The following KDM3B variants were observed in gnomAD, a reference collection of about 807,000 sequenced individuals.
The protein encoded by KDM3B is lysine demethylase 3B.
KDM3B carries 10 observed loss-of-function variants against 170.0 expected under a neutral mutation model. The ratio of observed to expected loss-of-function variants is 0.06; its 90% CI spans 0.04 to 0.10. The LOEUF (loss-of-function observed/expected upper bound fraction) is 0.10. Among genes scored for constraint, KDM3B ranks in the 10% least tolerant of loss-of-function variants. KDM3B has a pLI of 1.00. For synonymous variants in KDM3B, 831 were observed against 834.8 expected, an observed-to-expected ratio of 1.00 and a Z score of 0.08; for missense variants, 1,394 against 2,195.2, an observed-to-expected ratio of 0.64 and a Z score of 7.29.
At chr5:138,423,718 A>G (rs566156365) in intron 15 of KDM3B, among the ~76,000 whole-genome samples, 7 of 152,286 alleles carry the variant, frequency 4.6e-5, no homozygotes, top group African/African-American at 1.4e-4. Flanking sequence ...CCTCAAACTG[A>G]GTGACCTTTT....
At chr5:138,431,649 T>C in intron 23 of KDM3B, 90 bp downstream of exon 23, 3 of 1,191,656 alleles carry the variant, frequency 2.5e-6, no homozygotes, top group Non-Finnish European at 3.4e-6. Flanking sequence ...TCTGAGGGTA[T>C]TCTCCGAAGG....
At chr5:138,389,506 G>A (rs967118532) in intron 7 of KDM3B, among the ~76,000 whole-genome samples, 1 of 151,832 alleles carries the variant, frequency 6.6e-6, no homozygotes, top group African/African-American at 2.4e-5. Flanking sequence ...CAATTCTGTG[G>A]CATTTAGTAC....
At chr5:138,428,227 G>C (rs879032091) in intron 20 of KDM3B, 141 bp downstream of exon 20, 7 of 890,448 alleles carry the variant, frequency 7.9e-6, no homozygotes, top group Non-Finnish European at 1.2e-5. Flanking sequence ...GGGGGGCGGG[G>C]AGGCAGAGTC....
chr5:138,391,771 G>A lies in KDM3B; in HGVS notation c.2139G>A (p.Gly713=), dbSNP rs766164522. ...SGVLGSALTS[G]GPSLSAMGNG... is the part of the protein sequence containing the mutation. The stretch of plus-strand genomic sequence containing the variant: ...TTCTGGGCTCAGCTCTTACCAGTGG[G>A]GGCCCAAGCCTCTCTGCCATGGGGA... The change falls in exon 8 of 24, where the codon GGG becomes GGA. Residue 713 remains glycine (G), a synonymous_variant. Transcript: ENST00000314358. The surrounding 1 kb of genome is among the most constrained non-coding windows in gnomAD (Gnocchi z 5.0). 1.9e-6 allele frequency: 3 copies of A among 1,614,002 alleles called. No homozygotes were observed. The highest frequency in any genetic ancestry group is 2.5e-6 in the Non-Finnish European group (3 of 1,180,002).
chr5:138,357,062 C>T (rs577546038), intron 1 of KDM3B, among the ~76,000 whole-genome samples: 23 of 151,938 alleles, frequency 1.5e-4, no homozygotes, highest in African/African-American at 4.8e-4. Flanking sequence ...CTCTGTCTCC[C>T]GGGCTGGAGT....
intron 15 of KDM3B, among the ~76,000 whole-genome samples, chr5:138,422,148 C>T (rs77282190): frequency 0.013 from 1,959 of 152,222 alleles, 42 homozygotes; most frequent in African/African-American, 0.044. Context: ...CTGCACATAC[C>T]GATTTTCCCT....
chr5:138,364,347 G>A (rs570578718), intron 1 of KDM3B, among the ~76,000 whole-genome samples: 51 of 152,138 alleles, frequency 3.4e-4, no homozygotes, highest in African/African-American at 1.2e-3. Context: ...AATAAATGCT[G>A]TGCAAGGAAT....
chr5:138,420,908 A>G lies in KDM3B; in HGVS notation c.3918A>G (p.Gln1306=), dbSNP rs1394487683. 3 of 1,613,942 alleles carry G rather than the reference A, an allele frequency of 1.9e-6. No individual in the cohort carries two copies. Among genetic ancestry groups the G allele is most frequent in the African/African-American group, 2.7e-5 (2 of 74,894 alleles). ...ACTCCGGGCCGGGAAAACTTCCTCA[A>G]ACCCCCTTGGACACAGGCATACCCT... ...LLHSGPGKLP[Q]TPLDTGIPFP... Residue 1306 remains glutamine, a synonymous_variant, in exon 15 of 24, where the codon CAA becomes CAG. Coordinates refer to ENST00000314358, the MANE Select transcript of KDM3B (RefSeq NM_016604.4).
Position 138,391,311 on chromosome 5 carries a change from G to T in KDM3B, c.1679G>T (p.Ser560Ile). The T allele has an allele frequency of 6.2e-7, 1 of 1,614,114 alleles. No homozygotes were observed. Among genetic ancestry groups the T allele is most frequent in the East Asian group, 2.2e-5 (1 of 44,878 alleles). ...TCTAGTCGGGACTCATTCAAACAAAGCCTTGAGAGCCTGAGCTCAGGCCTG... is the reference window on the plus strand; with the variant it reads ...TCTAGTCGGGACTCATTCAAACAAATCCTTGAGAGCCTGAGCTCAGGCCTG... Reference protein sequence around the residue: ...DSSSRDSFKQSLESLSSGLCK... With the variant: ...DSSSRDSFKQILESLSSGLCK... The change falls in exon 8 of 24, where the codon AGC becomes ATC. Residue 560 changes from serine to isoleucine, a missense_variant. Around this residue, in one of 19 missense-constraint regions of KDM3B, gnomAD observed 294 missense variants for 311.7 expected, o/e 0.94. Coordinates refer to ENST00000314358, the MANE Select transcript of KDM3B (RefSeq NM_016604.4). This position sits in a 1 kb window ranked among gnomAD's most constrained non-coding sequence, Gnocchi z 5.0.
rs1186065194 is a variant in KDM3B, at chr5:138,400,227, G to GT, written c.3199+225dup. ...AAGGATTATTCTTAATTTTTCCTTGGTTTTTTTTTTGTTTTTGTTTTTTTT... is the reference window on the plus strand; with the variant it reads ...AAGGATTATTCTTAATTTTTCCTTGGTTTTTTTTTTTGTTTTTGTTTTTTTT... On this transcript the variant is annotated intron_variant, in intron 11 of 23. Transcript: ENST00000314358. Among the ~76,000 whole-genome samples, 459 of 148,972 alleles carry GT rather than the reference G, an allele frequency of 3.1e-3. 9 individuals carry two copies. Among genetic ancestry groups the GT allele is most frequent in the Middle Eastern group, 3.4e-3 (1 of 294 alleles).
At position 138,381,587 on chromosome 5, in the gene KDM3B, C is replaced by T. The variant is rs367814427; in HGVS notation, c.777C>T (p.Ser259=). The change falls in exon 6 of 24, where the codon AGC becomes AGT. Residue 259 remains serine (S), a synonymous_variant. Transcript: ENST00000314358. ...TGATGGATAATTCAGCGCCTCAAAGCGAGGTACAGTAATGGACTGCATTCC... is the reference window on the plus strand; with the variant it reads ...TGATGGATAATTCAGCGCCTCAAAGTGAGGTACAGTAATGGACTGCATTCC... ...VMLMDNSAPQ[S]EGGTLKAVKS... The T allele has an allele frequency of 5.8e-5, 92 of 1,586,972 alleles. No homozygotes were observed. Among genetic ancestry groups the T allele is most frequent in the Non-Finnish European group, 7.4e-5 (86 of 1,155,190 alleles).
intron 6 of KDM3B, among the ~76,000 whole-genome samples, chr5:138,385,382 G>A (rs139937917): frequency 0.01 from 1,550 of 152,224 alleles, 15 homozygotes; most frequent in African/African-American, 0.025. Context: ...ACAGGCATAC[G>A]CCACCACACC....
At chr5:138,400,640 C>G (rs958459746) in intron 11 of KDM3B, among the ~76,000 whole-genome samples, 4 of 152,024 alleles carry the variant, frequency 2.6e-5, no homozygotes, top group African/African-American at 9.7e-5. Context: ...GTCACAGCTA[C>G]TCAGGAGGCT....
intron 7 of KDM3B, among the ~76,000 whole-genome samples, chr5:138,389,780 C>CTGTGTGTGTGTGTGTG (rs1230677685): frequency 3.3e-5 from 4 of 120,250 alleles, no homozygotes; most frequent in African/African-American, 1.3e-4. Context: ...CTCTCTCTCT[C>CTGTGTGTGTGTGTGTG]TCTGTGTGTG....
intron 9 of KDM3B, among the ~76,000 whole-genome samples, chr5:138,395,402 G>C (rs1561776367): frequency 6.6e-6 from 1 of 152,140 alleles, no homozygotes; most frequent in Non-Finnish European, 1.5e-5. Context: ...GGAAAACTAG[G>C]CAGTGAGGTA....
In KDM3B at chr5:138,426,993, A is replaced by G. The variant is rs1021261138; in HGVS notation, c.4430A>G (p.Asp1477Gly). The G allele has an allele frequency of 1.2e-6, 2 of 1,613,986 alleles. No homozygotes were observed. The highest frequency in any genetic ancestry group is 2.7e-5 in the African/African-American group (2 of 74,922). The stretch of plus-strand genomic sequence containing the variant: ...CTTCCAGAACGACTACGGTCAGAAG[A>G]TGGGCAGCCAATGGTGCTCAAACTC... ...EIICKRLRSEDGQPMVLKLKD... is the reference protein window; with the variant it reads ...EIICKRLRSEGGQPMVLKLKD... Residue 1477 changes from aspartate (D) to glycine (G), a missense_variant, in exon 18 of 24, where the codon GAT (aspartate) becomes GGT (glycine). Around this residue, in one of 19 missense-constraint regions of KDM3B, gnomAD observed 66 missense variants for 178.8 expected, o/e 0.37. Coordinates refer to ENST00000314358, the MANE Select transcript of KDM3B (RefSeq NM_016604.4).
At chr5:138,371,304 C>A (rs1580885060) in intron 1 of KDM3B, among the ~76,000 whole-genome samples, 2 of 151,198 alleles carry the variant, frequency 1.3e-5, no homozygotes, top group African/African-American at 4.9e-5. Flanking sequence ...TACAAATAAT[C>A]AAAAATTACC....
intron 22 of KDM3B, 55 bp from the exon 23 acceptor site, chr5:138,431,370 A>G: frequency 7.1e-7 from 1 of 1,406,596 alleles, no homozygotes; most frequent in Non-Finnish European, 9.5e-7. Flanking sequence ...CATTTTCCAT[A>G]TGTTATTGAA....
At chr5:138,358,309 T>TC (rs1761508509) in intron 1 of KDM3B, among the ~76,000 whole-genome samples, 1 of 143,044 alleles carries the variant, frequency 7.0e-6, no homozygotes, top group African/African-American at 2.6e-5. Flanking sequence ...TTTCTTTCTT[T>TC]TTTTTTTTTT....
Sources: gnomAD v4.1 joint callset for allele counts (sites outside exome capture counted in the v4.1 genomes callset) on GRCh38, gnomAD v4.1.1 for gene constraint, gnomAD v4.1.1 regional missense constraint, Gnocchi (gnomAD v3.1) non-coding constraint, MANE v1.5 for transcripts, NCBI Gene and HGNC (gene_info 2026-07-23, HGNC 2026-07-21) for gene names.